The following ZFP37 variants were observed in gnomAD, a reference collection of about 807,000 sequenced individuals.
ZFP37 encodes the protein ZFP37 zinc finger protein.
A neutral mutation model predicts 52.1 loss-of-function variants in ZFP37; 38 were observed. The ratio of observed to expected loss-of-function variants is 0.73; its 90% confidence interval spans 0.56 to 0.96. The LOEUF is 0.96. Among genes scored for constraint, ZFP37 ranks in the 40% least tolerant of loss-of-function variants. ZFP37 has a pLI of 0.00. For synonymous variants in ZFP37, 253 were observed against 259.5 expected (o/e 0.98, Z 0.24); for missense variants, 695 against 741.4 (o/e 0.94, Z 0.73).
rs1171327938 is a variant in ZFP37, at chr9:113,041,383, G to A, written c.*1342C>T. The A allele has an allele frequency of 6.6e-6, 1 of 152,216 alleles. No homozygotes were observed. Among genetic ancestry groups the A allele is most frequent in the Non-Finnish European group, 1.5e-5 (1 of 68,044 alleles). The allele number at this position is 152,216 out of a possible 1,614,324, so 9.4% of individuals were successfully genotyped here. A position where few individuals can be genotyped will look rare whatever the true frequency, so the allele number is the denominator to read the frequency against. ...GGCCAACTCTGGGTTCACTCAGAAA[G>A]AGTACAGTGATCCAGTAAATAATGC... is the stretch of plus-strand genomic sequence containing the variant. On this transcript the variant is annotated 3_prime_UTR_variant, in exon 4 of 4. Transcript: ENST00000374227.
chr9:113,049,631 A>G, intron 2 of ZFP37, 135 bp from the exon 3 acceptor site: 1 of 1,430,058 alleles, frequency 7.0e-7, no homozygotes, highest in Non-Finnish European at 9.4e-7. Context: ...TCAGCTAAAT[A>G]GACCTTCCAT....
rs1052079775 is a variant in ZFP37 at position 113,045,261 on chromosome 9, T to C, written c.350-993A>G. On this transcript the variant is annotated intron_variant, in intron 3 of 3. Transcript: ENST00000374227. ...TAGATCTTTTCCTGCTGACATATCT[T>C]TTCCTTTCTATTGCTACCACTGAAA... 3.9e-5 allele frequency among the ~76,000 whole-genome samples: 6 copies of C among 152,198 alleles called. No homozygotes were observed. In the East Asian group the frequency reaches 1.2e-3, roughly 29 times the overall value.
At position 113,052,406 on chromosome 9, in the gene ZFP37, CT is replaced by C. The variant is rs1829073191; in HGVS notation, c.133-2535del. 1.3e-5 allele frequency among the ~76,000 whole-genome samples: 2 copies of C among 152,166 alleles called. No homozygotes were observed. The highest frequency in any genetic ancestry group is 2.9e-5 in the Non-Finnish European group (2 of 68,038). ...ATCACCAGGTTTTCAGCCATTAACC[CT>C]TCTGGGTCCGGTGATTTGCTAGGAG... On this transcript the variant is annotated intron_variant, in intron 1 of 3. Transcript: ENST00000374227. This position sits in a 1 kb window ranked among gnomAD's most constrained non-coding sequence, Gnocchi z 4.1.
intron 3 of ZFP37, among the ~76,000 whole-genome samples, chr9:113,046,690 C>T (rs961437063): frequency 5.9e-5 from 9 of 152,106 alleles, no homozygotes; most frequent in African/African-American, 1.7e-4. Flanking sequence ...GAGACAGTAA[C>T]TAAAACATAA....
rs1403672286 is a variant in ZFP37 at position 113,041,067 on chromosome 9, G to A, written c.*1658C>T. The A allele has an allele frequency of 6.6e-6, 1 of 152,064 alleles. No homozygotes were observed. Among genetic ancestry groups the A allele is most frequent in the Non-Finnish European group, 1.5e-5 (1 of 68,028 alleles). 9.4% of individuals were successfully genotyped at this position (152,064 alleles called of 1,614,324 possible). On this transcript the variant is annotated 3_prime_UTR_variant, in exon 4 of 4. Coordinates refer to ENST00000374227, the MANE Select transcript of ZFP37 (RefSeq NM_003408.3). Reference sequence around the variant, plus strand: ...TCTTGCCTCAGCCTCCTGAGTGGCTGGGATTACAGGGATTACAGCATGCCC... The same window carrying A: ...TCTTGCCTCAGCCTCCTGAGTGGCTAGGATTACAGGGATTACAGCATGCCC...
chr9:113,056,704 G>A lies in ZFP37; in HGVS notation c.-16C>T. 1.9e-6 allele frequency: 3 copies of A among 1,610,042 alleles called. No individual in the cohort carries two copies. The highest frequency in any genetic ancestry group is 2.5e-6 in the Non-Finnish European group (3 of 1,178,852). Reference sequence around the variant, plus strand: ...AGACCGACATGGCGGCTACCCGGAGGGCGGCCTTAGCGGGTCCGGCAGCCG... The same window carrying A: ...AGACCGACATGGCGGCTACCCGGAGAGCGGCCTTAGCGGGTCCGGCAGCCG... On this transcript the variant is annotated 5_prime_UTR_variant, in exon 1 of 4. Transcript: ENST00000374227.
rs1829073294 is a variant in ZFP37 at position 113,052,410 on chromosome 9, T to G, written c.133-2538A>C. Among the ~76,000 whole-genome samples the G allele has an allele frequency of 1.3e-5, 2 of 152,210 alleles. No individual in the cohort carries two copies. ...CCAGGTTTTCAGCCATTAACCCTTC[T>G]GGGTCCGGTGATTTGCTAGGAGGAC... On this transcript the variant is annotated intron_variant, in intron 1 of 3. Transcript: ENST00000374227. The surrounding 1 kb of genome is among the most constrained non-coding windows in gnomAD (Gnocchi z 4.1).
intron 1 of ZFP37, among the ~76,000 whole-genome samples, chr9:113,054,322 T>G (rs990091595): frequency 6.6e-6 from 1 of 152,208 alleles, no homozygotes; most frequent in African/African-American, 2.4e-5. Context: ...CTCTCTGTTG[T>G]TTTTTGTCTT....
chr9:113,050,613 A>C (rs1829040759), intron 1 of ZFP37, among the ~76,000 whole-genome samples: 1 of 152,078 alleles, frequency 6.6e-6, no homozygotes, highest in Non-Finnish European at 1.5e-5. Flanking sequence ...CCAGTCAAAG[A>C]AATCATTTAT....
rs145100961 is a variant in ZFP37 at position 113,055,521 on chromosome 9, C to A, written c.132+1036G>T. 4.9e-3 allele frequency among the ~76,000 whole-genome samples: 747 copies of A among 152,256 alleles called. 5 individuals are homozygous for A. The highest frequency in any genetic ancestry group is 0.017 in the Middle Eastern group (5 of 294). ...TGAGGACAAAGCAGGGACTGCAAAA[C>A]AACAACACCAAACAAATAAAATAAA... On this transcript the variant is annotated intron_variant, in intron 1 of 3. Transcript: ENST00000374227.
At position 113,043,555 on chromosome 9, in the gene ZFP37, C is replaced by T. The variant is rs750390793; in HGVS notation, c.1063G>A (p.Gly355Ser). The T allele has an allele frequency of 1.4e-5, 22 of 1,614,022 alleles. No homozygotes were observed. The highest frequency in any genetic ancestry group is 1.9e-5 in the Non-Finnish European group (22 of 1,179,938). Residue 355 changes from glycine to serine, a missense_variant, in exon 4 of 4, where the codon GGC (glycine) becomes AGC (serine). Physicochemically the swap from Gly to Ser is moderately conservative, Grantham distance 56 (BLOSUM62 0). Transcript: ENST00000374227. Reference protein sequence around the residue: ...GEKPYECIQCGKAHGHKHALT... With the variant: ...GEKPYECIQCSKAHGHKHALT... ...GCATGTTTATGACCATGGGCTTTGC[C>T]ACACTGAATACATTCATATGGTTTT...
chr9:113,056,452 T>C, intron 1 of ZFP37, 105 bp downstream of exon 1: 1 of 1,533,196 alleles, frequency 6.5e-7, no homozygotes, highest in Non-Finnish European at 8.8e-7. Flanking sequence ...TAGCATCGAT[T>C]CCACCAATTC....
chr9:113,049,344 T>G lies in ZFP37; in HGVS notation c.349+18A>C, dbSNP rs765262224. The G allele has an allele frequency of 4.4e-6, 7 of 1,608,288 alleles. No individual in the cohort carries two copies. The highest frequency in any genetic ancestry group is 5.9e-6 in the Non-Finnish European group (7 of 1,178,106). ...CAGAATAAATTATTTGCTGAAAAAT[T>G]TCAAAGTTACAACTTACTTCCATCA... On this transcript the variant is annotated intron_variant, in intron 3 of 3. Transcript: ENST00000374227.
intron 3 of ZFP37, 53 bp from the exon 4 acceptor site, chr9:113,044,321 T>G: frequency 6.8e-7 from 1 of 1,476,492 alleles, no homozygotes; most frequent in South Asian, 1.4e-5. Context: ...TCTTATATTT[T>G]GGAATAAAAC....
chr9:113,044,129 C>T lies in ZFP37; in HGVS notation c.489G>A (p.Leu163=), dbSNP rs1390255100. ...DCGSLGKKNN[L]HKKHVPSKKR... ...TCTTTGAAGGAACATGTTTTTTATG[C>T]AAATTATTTTTTTTCCCCAGTGAAC... Residue 163 remains leucine (L), a synonymous_variant, in exon 4 of 4, where the codon TTG becomes TTA. Transcript: ENST00000374227. 3.1e-6 allele frequency: 5 copies of T among 1,611,278 alleles called. No homozygotes were observed. In the Admixed American group the frequency reaches 8.4e-5, roughly 27 times the overall value.
chr9:113,042,515 G>A lies in ZFP37; in HGVS notation c.*210C>T, dbSNP rs939049438. ...GTAGATCATTTATAATAATTGAGTA[G>A]TTAAAACAATATTTTTTATAAAAGG... On this transcript the variant is annotated 3_prime_UTR_variant, in exon 4 of 4. Transcript: ENST00000374227. The A allele has an allele frequency of 9.4e-6, 4 of 425,414 alleles. No homozygotes were observed. Among genetic ancestry groups the A allele is most frequent in the African/African-American group, 8.2e-5 (4 of 48,516 alleles). The allele number at this position is 425,414 out of a possible 1,614,324, so 26.4% of individuals were successfully genotyped here. A position where few individuals can be genotyped will look rare whatever the true frequency, so the allele number is the denominator to read the frequency against.
chr9:113,056,632 C>T lies in ZFP37; in HGVS notation c.57G>A (p.Arg19=). The part of the protein sequence containing the change: ...ILTKPETVDR[R]RSAETTKEAG... ...CCTCTTTGGTCGTTTCCGCACTTCT[C>T]CTCCGGTCCACGGTCTCTGGCTTTG... is the stretch of plus-strand genomic sequence containing the variant. The change falls in exon 1 of 4, where the codon AGG becomes AGA. Residue 19 remains arginine, a synonymous_variant. Transcript: ENST00000374227. The T allele has an allele frequency of 6.2e-7, 1 of 1,613,914 alleles. No homozygotes were observed. Among genetic ancestry groups the T allele is most frequent in the African/African-American group, 1.3e-5 (1 of 75,074 alleles).
rs1564341913 is a variant in ZFP37, at chr9:113,041,240, T to C, written c.*1485A>G. On this transcript the variant is annotated 3_prime_UTR_variant, in exon 4 of 4. Coordinates refer to ENST00000374227, the MANE Select transcript of ZFP37 (RefSeq NM_003408.3). ...CCCACCATGCCCAGCCAGAAGTATTTTTAATCTATGGCTCAAGAGTAAAAA... is the reference window on the plus strand; with the variant it reads ...CCCACCATGCCCAGCCAGAAGTATTCTTAATCTATGGCTCAAGAGTAAAAA... 1 of 152,178 alleles carries C rather than the reference T, an allele frequency of 6.6e-6. No homozygotes were observed. The highest frequency in any genetic ancestry group is 1.9e-4 in the East Asian group (1 of 5,196). The allele number at this position is 152,178 out of a possible 1,614,324, so 9.4% of individuals were successfully genotyped here. A position where few individuals can be genotyped will look rare whatever the true frequency, so the allele number is the denominator to read the frequency against.
rs1329773997 is a variant in ZFP37, at chr9:113,044,040, T to C, written c.578A>G (p.His193Arg). The change falls in exon 4 of 4, where the codon CAC (histidine) becomes CGC (arginine). Residue 193 changes from histidine to arginine, a missense_variant. By Grantham distance (29) the His-to-Arg change is conservative. Around this residue, in one of 2 missense-constraint regions of ZFP37, gnomAD observed 369 missense variants for 340.9 expected, o/e 1.08. Transcript: ENST00000374227. ...TTTCCTTTTTACACAGTTTCTTGAG[T>C]GATCAGGTAAATCTAAATTCTGTTT... is the stretch of plus-strand genomic sequence containing the variant. The part of the protein sequence containing the change: ...ILKQNLDLPD[H>R]SRNCVKRKSD... The C allele has an allele frequency of 2.5e-6, 4 of 1,612,584 alleles. No homozygotes were observed. Among genetic ancestry groups the C allele is most frequent in the Non-Finnish European group, 1.7e-6 (2 of 1,179,646 alleles).
Sources: gnomAD v4.1 joint callset for allele counts (sites outside exome capture counted in the v4.1 genomes callset) on GRCh38, gnomAD v4.1.1 for gene constraint, gnomAD v4.1.1 regional missense constraint, Gnocchi (gnomAD v3.1) non-coding constraint, MANE v1.5 for transcripts, NCBI Gene and HGNC (gene_info 2026-07-23, HGNC 2026-07-21) for gene names.